ST3GAL2: variants seen among roughly 807,000 people sequenced by gnomAD.
ST3GAL2 encodes the protein CMP-N-acetylneuraminate-beta-galactosamide-alpha-2,3-sialyltransferase 2.
Under a neutral mutation model 37.5 loss-of-function variants are expected in ST3GAL2, and 16 were observed. The observed-to-expected ratio is 0.43, with a 90% CI of 0.29 to 0.65. The LOEUF (loss-of-function observed/expected upper bound fraction) is 0.65, where lower values mean the gene tolerates loss of function less well. ST3GAL2 is among the 30% of genes least tolerant of loss of function. The pLI is 0.17. For synonymous variants in ST3GAL2, 238 were observed against 202.9 expected (o/e 1.17, Z -1.47); for missense variants, 383 against 487.8 (o/e 0.79, Z 2.02).
intron 1 of ST3GAL2, among the ~76,000 whole-genome samples, chr16:70,437,687 C>A (rs950593385): frequency 6.6e-6 from 1 of 152,198 alleles, no homozygotes; most frequent in African/African-American, 2.4e-5. Context: ...GCAGGCATCC[C>A]TCCCTGAAAG....
chr16:70,433,270 T>C (rs369815832), intron 1 of ST3GAL2, among the ~76,000 whole-genome samples: 5 of 152,128 alleles, frequency 3.3e-5, no homozygotes, highest in East Asian at 1.9e-4. Flanking sequence ...AATTGGACTC[T>C]ATCTAGTTCT....
chr16:70,418,705 C>G (rs1428386339), intron 1 of ST3GAL2, among the ~76,000 whole-genome samples: 2 of 152,172 alleles, frequency 1.3e-5, no homozygotes, highest in Non-Finnish European at 2.9e-5. Flanking sequence ...TACATAGATA[C>G]GCTCTAGCCT....
intron 6 of ST3GAL2, 25 bp downstream of exon 6, chr16:70,382,780 C>T (rs764934945): frequency 6.2e-7 from 1 of 1,613,650 alleles, no homozygotes; most frequent in Non-Finnish European, 8.5e-7. Flanking sequence ...TGGGTTCCCA[C>T]CACCCACACC....
At chr16:70,392,006 GT>G (rs761374820) in intron 3 of ST3GAL2, among the ~76,000 whole-genome samples, 13 of 152,224 alleles carry the variant, frequency 8.5e-5, no homozygotes, top group African/African-American at 1.2e-4. Flanking sequence ...GCCCAGGCTG[GT>G]TTCTGAAGAC....
chr16:70,396,971 T>C (rs1290238646), intron 2 of ST3GAL2, among the ~76,000 whole-genome samples: 1 of 151,832 alleles, frequency 6.6e-6, no homozygotes, highest in South Asian at 2.1e-4. Context: ...TGTTTTTTTT[T>C]AACTCTAGAA....
In ST3GAL2 at chr16:70,398,829, G is replaced by T. The variant is rs1318602753; in HGVS notation, c.-299C>A. The T allele has an allele frequency of 2.7e-5, 15 of 563,650 alleles. No homozygotes were observed. Among genetic ancestry groups the T allele is most frequent in the African/African-American group, 2.2e-4 (12 of 53,548 alleles). 34.9% of individuals were successfully genotyped at this position (563,650 alleles called of 1,614,324 possible). A position where few individuals can be genotyped will look rare whatever the true frequency, so the allele number is the denominator to read the frequency against. Reference sequence around the variant, plus strand: ...TCTGCCTCTCCTGCCACCCTGGTGAGGGGGAGGTCAGTCCATTGCAGCCCT... The same window carrying T: ...TCTGCCTCTCCTGCCACCCTGGTGATGGGGAGGTCAGTCCATTGCAGCCCT... On this transcript the variant is annotated 5_prime_UTR_variant, in exon 2 of 7. Coordinates refer to ENST00000342907, the MANE Select transcript of ST3GAL2 (RefSeq NM_006927.4).
At chr16:70,413,181 C>T (rs539316578) in intron 1 of ST3GAL2, among the ~76,000 whole-genome samples, 6 of 151,098 alleles carry the variant, frequency 4.0e-5, no homozygotes, top group Non-Finnish European at 5.9e-5. Context: ...ACCTGGAAGG[C>T]GGAGGTTGCA....
At chr16:70,426,405 G>A (rs915688463) in intron 1 of ST3GAL2, among the ~76,000 whole-genome samples, 11 of 151,660 alleles carry the variant, frequency 7.3e-5, no homozygotes, top group African/African-American at 2.7e-4. Context: ...TCACCAGATT[G>A]GCCAGGCTGG....
At position 70,437,374 on chromosome 16, in the gene ST3GAL2, G is replaced by A. The variant is rs1441517615; in HGVS notation, c.-1004+1575C>T. The stretch of plus-strand genomic sequence containing the variant: ...GGTTGCTGAAGCAGTGAACCATCTG[G>A]TTCAGATCAAGATTGCTCCTTCAGG... On this transcript the variant is annotated intron_variant, in intron 1 of 6. Transcript: ENST00000342907. Among the ~76,000 whole-genome samples the A allele has an allele frequency of 2.0e-5, 3 of 152,092 alleles. No homozygotes were observed. In the East Asian group the frequency reaches 5.8e-4, roughly 29 times the overall value.
chr16:70,388,669 C>T, intron 3 of ST3GAL2, 123 bp from the exon 4 acceptor site: 1 of 1,052,100 alleles, frequency 9.5e-7, no homozygotes, highest in East Asian at 2.7e-5. Context: ...CCTAGCAATT[C>T]CATTGCTAGA....
In ST3GAL2 at chr16:70,409,006, T is replaced by C. The variant is rs945997507; in HGVS notation, c.-1003-9473A>G. 2.3e-5 allele frequency among the ~76,000 whole-genome samples: 3 copies of C among 132,926 alleles called. No individual in the cohort carries two copies. In the Admixed American group the frequency reaches 2.3e-4, roughly 10 times the overall value. 87.2% of individuals were successfully genotyped at this position (132,926 alleles called of 152,430 possible). ...ACGGGGAGAGGGTGCGGCAGGGGAGTTGGGGTGAAGGGTCCCTTCAGATCC... is the reference window on the plus strand; with the variant it reads ...ACGGGGAGAGGGTGCGGCAGGGGAGCTGGGGTGAAGGGTCCCTTCAGATCC... On this transcript the variant is annotated intron_variant, in intron 1 of 6. Coordinates refer to ENST00000342907, the MANE Select transcript of ST3GAL2 (RefSeq NM_006927.4).
chr16:70,409,025 CAGATCCACCACCTGCT>C (rs1189905521), intron 1 of ST3GAL2, among the ~76,000 whole-genome samples: 1 of 150,522 alleles, frequency 6.6e-6, no homozygotes, highest in Non-Finnish European at 1.5e-5. Context: ...AGGGTCCCTT[CAGATCCACCACCTGCT>C]ACCTCAGGAG....
At position 70,395,030 on chromosome 16, in the gene ST3GAL2, C is replaced by T. The variant is rs369604137; in HGVS notation, c.485G>A (p.Arg162Gln). The change falls in exon 3 of 7, where the codon CGG (arginine) becomes CAG (glutamine). Residue 162 changes from arginine to glutamine, a missense_variant. Around this residue, in one of 2 missense-constraint regions of ST3GAL2, gnomAD observed 223 missense variants for 239.1 expected, o/e 0.93. Coordinates refer to ENST00000342907, the MANE Select transcript of ST3GAL2 (RefSeq NM_006927.4). ...CAVVGNSGNL[R>Q]GSGYGQDVDG... The stretch of plus-strand genomic sequence containing the variant: ...CACGTCCTGCCCATAGCCAGAGCCC[C>T]GCAGGTTGCCCGAGTTCCCCACCAC... The T allele has an allele frequency of 3.6e-5, 58 of 1,613,798 alleles. No homozygotes were observed. Among genetic ancestry groups the T allele is most frequent in the South Asian group, 5.5e-5 (5 of 91,074 alleles).
chr16:70,396,823 G>T (rs1022652772), intron 2 of ST3GAL2, among the ~76,000 whole-genome samples: 1 of 152,122 alleles, frequency 6.6e-6, no homozygotes, highest in African/African-American at 2.4e-5. Context: ...GCAGAGCCTG[G>T]GGAGTGACAC....
intron 1 of ST3GAL2, among the ~76,000 whole-genome samples, chr16:70,408,253 C>T (rs974808261): frequency 2.0e-5 from 3 of 152,176 alleles, no homozygotes; most frequent in African/African-American, 7.2e-5. Flanking sequence ...CCACAGCCCC[C>T]ACTGCCTTCC....
At chr16:70,431,845 T>G (rs1439610080) in intron 1 of ST3GAL2, among the ~76,000 whole-genome samples, 6 of 151,690 alleles carry the variant, frequency 4.0e-5, no homozygotes, top group African/African-American at 1.5e-4. Context: ...GTGCCTGTAG[T>G]CCCAGCTACT....
chr16:70,419,354 G>C (rs2047698239), intron 1 of ST3GAL2, among the ~76,000 whole-genome samples: 1 of 152,248 alleles, frequency 6.6e-6, no homozygotes, highest in Non-Finnish European at 1.5e-5. Context: ...TGTGAGAATA[G>C]GGGAGAGAAT....
intron 1 of ST3GAL2, among the ~76,000 whole-genome samples, chr16:70,423,667 C>T (rs2047730899): frequency 6.6e-6 from 1 of 150,524 alleles, no homozygotes; most frequent in Non-Finnish European, 1.5e-5. Flanking sequence ...AATGGAATGA[C>T]TCAATGATTT....
intron 6 of ST3GAL2, among the ~76,000 whole-genome samples, chr16:70,382,224 G>T (rs182657358): frequency 1.3e-5 from 2 of 151,994 alleles, no homozygotes; most frequent in Non-Finnish European, 1.5e-5. Flanking sequence ...CTCAGAGCTG[G>T]TGGGGGCAGT....
Sources: gnomAD v4.1 joint callset for allele counts (sites outside exome capture counted in the v4.1 genomes callset) on GRCh38, gnomAD v4.1.1 for gene constraint, gnomAD v4.1.1 regional missense constraint, MANE v1.5 for transcripts, NCBI Gene and HGNC (gene_info 2026-07-23, HGNC 2026-07-21) for gene names.